The following NF1 variants were observed in gnomAD, a reference collection of about 807,000 sequenced individuals.
NF1 encodes neurofibromin.
Under a neutral mutation model 325.7 loss-of-function variants are expected in NF1, and 122 were observed. The observed-to-expected ratio is 0.37, with a 90% CI of 0.32 to 0.44. The LOEUF is 0.44. Ranked by LOEUF, NF1 falls within the 20% of genes least tolerant of loss-of-function variation. NF1 has a pLI of 1.00. For missense variants in NF1, 2,140 were observed against 3,415.4 expected (o/e 0.63, Z 9.31); for synonymous variants, 1,091 against 1,186.0 (o/e 0.92, Z 1.65).
intron 31 of NF1, among the ~76,000 whole-genome samples, chr17:31,257,206 C>T (rs2067597799): frequency 6.6e-6 from 1 of 152,050 alleles, no homozygotes; most frequent in South Asian, 2.1e-4. Flanking sequence ...ATCTGGGTCC[C>T]CTCCCACCAA....
At position 31,368,159 on chromosome 17, in the gene NF1, C is replaced by T. The variant is rs1286386536; in HGVS notation, c.8378-5854C>T. On this transcript the variant is annotated intron_variant, in intron 57 of 57. Coordinates refer to ENST00000358273, the MANE Select transcript of NF1 (RefSeq NM_001042492.3). The stretch of plus-strand genomic sequence containing the variant: ...TAAAAATTCTTTTTTCTTTTTGAGA[C>T]GGAGTCTCTCTCTGTTGCCCAGGCT... 4.6e-5 allele frequency among the ~76,000 whole-genome samples: 7 copies of T among 152,084 alleles called. 1 individual carries two copies. The highest frequency in any genetic ancestry group is 2.1e-4 in the South Asian group (1 of 4,822).
At chr17:31,155,540 T>G (rs1483134917) in intron 1 of NF1, among the ~76,000 whole-genome samples, 3 of 152,208 alleles carry the variant, frequency 2.0e-5, no homozygotes, top group Non-Finnish European at 2.9e-5. Flanking sequence ...CTGTTTTTCT[T>G]TTAATGTTTG....
chr17:31,207,570 T>C (rs923929773), intron 12 of NF1, among the ~76,000 whole-genome samples: 2 of 152,164 alleles, frequency 1.3e-5, no homozygotes, highest in Non-Finnish European at 2.9e-5. Flanking sequence ...CAAAAGATCA[T>C]GGCAATGATG....
At chr17:31,220,845 G>A (rs1331394025) in intron 14 of NF1, among the ~76,000 whole-genome samples, 13 of 151,996 alleles carry the variant, frequency 8.6e-5, no homozygotes. Flanking sequence ...CCAGTAAATT[G>A]TACCACGTTT....
At chr17:31,317,373 A>AC (rs1691163920) in intron 36 of NF1, among the ~76,000 whole-genome samples, 1 of 145,294 alleles carries the variant, frequency 6.9e-6, no homozygotes, top group Admixed American at 6.7e-5. Flanking sequence ...ATTTGAACAC[A>AC]CACACACACA....
chr17:31,178,398 C>T (rs1264010759), intron 5 of NF1, among the ~76,000 whole-genome samples: 3 of 152,166 alleles, frequency 2.0e-5, no homozygotes, highest in Admixed American at 1.3e-4. Flanking sequence ...CAACTGGTAC[C>T]AACCACTGCA....
rs1292319529 is a variant in NF1, at chr17:31,376,957, C to G, written c.*2802C>G. On this transcript the variant is annotated 3_prime_UTR_variant, in exon 58 of 58. Coordinates refer to ENST00000358273, the MANE Select transcript of NF1 (RefSeq NM_001042492.3). The stretch of plus-strand genomic sequence containing the variant: ...CCAGGTGCCCAGGACACATCCTAAA[C>G]AGTCAGCTTCTATCCTGTGTCCTAG... 1 of 233,204 alleles carries G rather than the reference C, an allele frequency of 4.3e-6. No individual in the cohort carries two copies. The highest frequency in any genetic ancestry group is 5.6e-5 in the Admixed American group (1 of 17,780). The allele number at this position is 233,204 out of a possible 1,614,324, so 14.4% of individuals were successfully genotyped here.
At chr17:31,260,770 CTTTGGGTTTT>C (rs1199674148) in intron 34 of NF1, among the ~76,000 whole-genome samples, 6 of 152,214 alleles carry the variant, frequency 3.9e-5, no homozygotes, top group Admixed American at 2.0e-4. Context: ...CAGATTTGCT[CTTTGGGTTTT>C]TATGGCTTGC....
intron 5 of NF1, among the ~76,000 whole-genome samples, chr17:31,181,081 T>C (rs2064770968): frequency 6.6e-6 from 1 of 152,176 alleles, no homozygotes; most frequent in Admixed American, 6.5e-5. Context: ...AAACCACTGC[T>C]CTAGGAAATA....
chr17:31,350,656 G>T (rs2070117858), intron 50 of NF1, among the ~76,000 whole-genome samples: 1 of 152,176 alleles, frequency 6.6e-6, no homozygotes, highest in African/African-American at 2.4e-5. Context: ...CACATTACGT[G>T]CTTGGATAGA....
chr17:31,219,136 TC>T lies in NF1; in HGVS notation c.1641+20del. Reference sequence around the variant, plus strand: ...CAATGGAGGTAAGGGGAAAATGAATTCCATGTTCTTGAAGGAAAGATTGTAA... The same window carrying T: ...CAATGGAGGTAAGGGGAAAATGAATTCATGTTCTTGAAGGAAAGATTGTAA... On this transcript the variant is annotated intron_variant, in intron 14 of 57. Transcript: ENST00000358273. The T allele has an allele frequency of 6.2e-7, 1 of 1,608,188 alleles. No individual in the cohort carries two copies. Among genetic ancestry groups the T allele is most frequent in the Non-Finnish European group, 8.5e-7 (1 of 1,176,366 alleles).
At chr17:31,158,484 T>G (rs538402950) in intron 2 of NF1, among the ~76,000 whole-genome samples, 2 of 152,288 alleles carry the variant, frequency 1.3e-5, no homozygotes, top group Admixed American at 6.5e-5. Flanking sequence ...TTTGGGACCC[T>G]CTTTTCAAAA....
intron 36 of NF1, among the ~76,000 whole-genome samples, chr17:31,281,904 G>A (rs1302480895): frequency 1.3e-5 from 2 of 151,568 alleles, no homozygotes; most frequent in African/African-American, 4.9e-5. Context: ...AAAAAAAATT[G>A]CAAAAATTAG....
intron 36 of NF1, among the ~76,000 whole-genome samples, chr17:31,323,281 C>T (rs577726313): frequency 4.0e-5 from 6 of 151,852 alleles, no homozygotes; most frequent in South Asian, 4.2e-4. Flanking sequence ...GGCATGGTGG[C>T]GCTTATCTGT....
chr17:31,227,574 A>G lies in NF1; in HGVS notation c.2377A>G (p.Asn793Asp), dbSNP rs2067038668. Reference sequence around the variant, plus strand: ...GGAACAAGCAACAAAGCTAATCCTTAACTATCCAAAAGCCAAAATGGAAGA... The same window carrying G: ...GGAACAAGCAACAAAGCTAATCCTTGACTATCCAAAAGCCAAAATGGAAGA... ...KWEQATKLIL[N>D]YPKAKMEDGQ... Residue 793 changes from asparagine (N) to aspartate (D), a missense_variant, in exon 20 of 58, where the codon AAC becomes GAC. Transcript: ENST00000358273. The G allele has an allele frequency of 6.2e-7, 1 of 1,613,894 alleles. No homozygotes were observed.
At chr17:31,165,437 A>G (rs1473169393) in intron 4 of NF1, among the ~76,000 whole-genome samples, 1 of 152,132 alleles carries the variant, frequency 6.6e-6, no homozygotes, top group Admixed American at 6.5e-5. Context: ...GACCATTATG[A>G]TGGTTTAGTT....
At chr17:31,125,732 C>T (rs1028122861) in intron 1 of NF1, among the ~76,000 whole-genome samples, 4 of 151,846 alleles carry the variant, frequency 2.6e-5, no homozygotes, top group East Asian at 1.9e-4. Flanking sequence ...GACGGGGTTT[C>T]GCCATGTTAG....
At chr17:31,337,985 A>G (rs375744896) in intron 44 of NF1, 40 bp from the exon 45 acceptor site, 5 of 1,561,420 alleles carry the variant, frequency 3.2e-6, no homozygotes, top group Non-Finnish European at 4.4e-6. Context: ...ATATATAAAC[A>G]CAAAGGTTTT....
At chr17:31,240,696 A>G (rs1008395964) in intron 29 of NF1, among the ~76,000 whole-genome samples, 2 of 152,148 alleles carry the variant, frequency 1.3e-5, no homozygotes, top group East Asian at 3.8e-4. Context: ...ATTCCTGCCA[A>G]TAGTGTATGA....
Sources: gnomAD v4.1 joint callset for allele counts (sites outside exome capture counted in the v4.1 genomes callset) on GRCh38, gnomAD v4.1.1 for gene constraint, MANE v1.5 for transcripts, NCBI Gene and HGNC (gene_info 2026-07-23, HGNC 2026-07-21) for gene names.